Variants in PPARGC1A observed in about 807,000 individuals in gnomAD.
PPARGC1A encodes the protein peroxisome proliferator-activated receptor gamma coactivator 1-alpha.
Under a neutral mutation model 88.7 loss-of-function variants are expected in PPARGC1A, and 25 were observed. The observed-to-expected ratio is 0.28, with a 90% CI of 0.21 to 0.39. PPARGC1A has a LOEUF of 0.39. PPARGC1A is among the 10% of genes least tolerant of loss of function. The pLI is 1.00. For missense variants in PPARGC1A, 880 were observed against 968.7 expected (o/e 0.91, Z 1.22); for synonymous variants, 363 against 355.6 (o/e 1.02, Z -0.24).
At chr4:24,200,807 G>A in the PPARGC1A span, among the ~76,000 whole-genome samples, 1 of 151,990 alleles carries the variant, frequency 6.6e-6, no homozygotes, top group Non-Finnish European at 1.5e-5. Flanking sequence ...TTTAAAAAAT[G>A]GCCCAAGGAA....
the PPARGC1A span, among the ~76,000 whole-genome samples, chr4:24,361,791 C>G: frequency 6.6e-6 from 1 of 152,160 alleles, no homozygotes; most frequent in Non-Finnish European, 1.5e-5. Context: ...TGTTGTTGAG[C>G]GGGTAAAGCC....
At chr4:24,235,597 G>A in the PPARGC1A span, among the ~76,000 whole-genome samples, 1 of 152,168 alleles carries the variant, frequency 6.6e-6, no homozygotes, top group Non-Finnish European at 1.5e-5. Context: ...ACAACCTGGA[G>A]AGAAATTTTC....
At chr4:24,282,707 A>G in the PPARGC1A span, among the ~76,000 whole-genome samples, 2 of 152,200 alleles carry the variant, frequency 1.3e-5, no homozygotes, top group African/African-American at 4.8e-5. Flanking sequence ...TCATCCAGGC[A>G]CAGTCCTGTG....
chr4:24,442,478 C>T, the PPARGC1A span, among the ~76,000 whole-genome samples: 2 of 152,062 alleles, frequency 1.3e-5, no homozygotes, highest in Non-Finnish European at 2.9e-5. Context: ...TCATAGAAAC[C>T]CCAGATAAAT....
the PPARGC1A span, among the ~76,000 whole-genome samples, chr4:23,947,382 TATATATATATATATAAAA>T: frequency 0.18 from 2,712 of 15,174 alleles, 163 homozygotes; most frequent in South Asian, 0.36. Context: ...TATATATATA[TATATATATATATATAAAA>T]AAAACGGTGA....
chr4:24,439,368 A>ACTGTTT, the PPARGC1A span, among the ~76,000 whole-genome samples: 32 of 152,246 alleles, frequency 2.1e-4, no homozygotes, highest in African/African-American at 7.7e-4. Context: ...AATAAGACCA[A>ACTGTTT]GTCTGAAAAC....
At chr4:24,103,838 C>G in the PPARGC1A span, among the ~76,000 whole-genome samples, 1 of 152,180 alleles carries the variant, frequency 6.6e-6, no homozygotes, top group South Asian at 2.1e-4. Context: ...TCCCACTTAA[C>G]GTTTTCTCCA....
At chr4:24,196,584 C>G in the PPARGC1A span, among the ~76,000 whole-genome samples, 1 of 152,174 alleles carries the variant, frequency 6.6e-6, no homozygotes, top group Non-Finnish European at 1.5e-5. Flanking sequence ...ATGCAGTAGC[C>G]AGGCTGTCCC....
chr4:23,951,308 CACAA>C, the PPARGC1A span, among the ~76,000 whole-genome samples: 6 of 152,034 alleles, frequency 3.9e-5, no homozygotes, highest in African/African-American at 1.4e-4. Flanking sequence ...GAGGGAACAG[CACAA>C]ACAAACCCTA....
At chr4:24,245,632 A>T in the PPARGC1A span, among the ~76,000 whole-genome samples, 1 of 152,230 alleles carries the variant, frequency 6.6e-6, no homozygotes, top group African/African-American at 2.4e-5. Flanking sequence ...CGAGGACCAC[A>T]CACAGCTTGA....
At chr4:24,360,287 T>G in the PPARGC1A span, among the ~76,000 whole-genome samples, 1 of 152,110 alleles carries the variant, frequency 6.6e-6, no homozygotes. Context: ...CACTTCTCAC[T>G]CAACCATTTT....
At chr4:23,879,589 T>C (rs1715512349) in intron 2 of PPARGC1A, among the ~76,000 whole-genome samples, 1 of 152,204 alleles carries the variant, frequency 6.6e-6, no homozygotes, top group African/African-American at 2.4e-5. Flanking sequence ...GGAATTTTCC[T>C]TCAAGGTACT....
At chr4:24,460,068 T>C in the PPARGC1A span, among the ~76,000 whole-genome samples, 2 of 152,222 alleles carry the variant, frequency 1.3e-5, no homozygotes, top group Non-Finnish European at 2.9e-5. Context: ...TAGCCTGAAA[T>C]GACCTCAGAC....
chr4:24,325,477 G>A, the PPARGC1A span, among the ~76,000 whole-genome samples: 1 of 152,142 alleles, frequency 6.6e-6, no homozygotes, highest in African/African-American at 2.4e-5. Context: ...TCCCCCAGGA[G>A]CTTGCTACAA....
At chr4:24,319,657 G>A in the PPARGC1A span, among the ~76,000 whole-genome samples, 17 of 152,304 alleles carry the variant, frequency 1.1e-4, no homozygotes, top group Admixed American at 8.5e-4. Context: ...AAGTAGCTTA[G>A]TGAGCTTTAC....
At chr4:24,202,332 C>G in the PPARGC1A span, among the ~76,000 whole-genome samples, 2 of 152,138 alleles carry the variant, frequency 1.3e-5, no homozygotes, top group Admixed American at 6.5e-5. Context: ...TAGCCTGCCT[C>G]GGGGCCCAAA....
At chr4:24,195,594 A>T in the PPARGC1A span, among the ~76,000 whole-genome samples, 1 of 152,222 alleles carries the variant, frequency 6.6e-6, no homozygotes, top group Non-Finnish European at 1.5e-5. Flanking sequence ...AAATGAGAAC[A>T]TCAAACAGCA....
At chr4:23,803,714 G>A (rs1437679196) in intron 10 of PPARGC1A, among the ~76,000 whole-genome samples, 1 of 152,148 alleles carries the variant, frequency 6.6e-6, no homozygotes, top group Non-Finnish European at 1.5e-5. Context: ...GACAAACAAT[G>A]ATAAAATGAA....
chr4:24,377,363 A>G, the PPARGC1A span, among the ~76,000 whole-genome samples: 2 of 152,078 alleles, frequency 1.3e-5, no homozygotes, highest in East Asian at 3.9e-4. Flanking sequence ...GCCAAAAGTA[A>G]TACATAAATA....
Sources: allele counts gnomAD v4.1 joint callset (sites outside exome capture counted in the v4.1 genomes callset), GRCh38; gene constraint gnomAD v4.1.1; transcripts MANE v1.5; gene names NCBI Gene and HGNC (gene_info 2026-07-23, HGNC 2026-07-21).